PKIB: variants seen among roughly 807,000 people sequenced by gnomAD.
The protein encoded by PKIB is cAMP-dependent protein kinase inhibitor beta.
A neutral mutation model predicts 4.5 loss-of-function variants in PKIB; 2 were observed. The ratio of observed to expected loss-of-function variants is 0.44; its 90% CI spans 0.18 to 1.39. The LOEUF is 1.39. Among genes scored for constraint, PKIB ranks in the 40% most tolerant of loss-of-function variants. The probability of loss-of-function intolerance (pLI) is 0.27; values close to 1 mark genes in which losing one functional copy is unlikely to be tolerated. For synonymous variants in PKIB, 38 were observed against 36.0 expected (o/e 1.06, Z -0.20); for missense variants, 94 against 92.6 (o/e 1.02, Z -0.06).
chr6:122,568,016 TA>T (rs1773245158), intron 2 of PKIB, among the ~76,000 whole-genome samples: 1 of 152,188 alleles, frequency 6.6e-6, no homozygotes, highest in South Asian at 2.1e-4. Context: ...CATTATTAAT[TA>T]AAATATAGAC....
At chr6:122,519,503 G>T (rs1437566455) in intron 2 of PKIB, among the ~76,000 whole-genome samples, 3 of 152,020 alleles carry the variant, frequency 2.0e-5, no homozygotes, top group Non-Finnish European at 4.4e-5. Context: ...CTTGTCCCTG[G>T]TGTCAAAAAG....
chr6:122,624,612 A>G (rs993697646), intron 1 of PKIB, among the ~76,000 whole-genome samples: 10 of 152,228 alleles, frequency 6.6e-5, no homozygotes, highest in Non-Finnish European at 1.0e-4. Context: ...TCATTTAATC[A>G]TAAGAGAAAA....
intron 2 of PKIB, among the ~76,000 whole-genome samples, chr6:122,537,762 C>T (rs1205987107): frequency 1.3e-5 from 2 of 152,094 alleles, no homozygotes; most frequent in East Asian, 1.9e-4. Context: ...CACTGACTTC[C>T]ACAATGGTTG....
intron 2 of PKIB, chr6:122,483,815 C>T (rs1247127036): frequency 1.3e-5 from 2 of 152,176 alleles, no homozygotes; most frequent in East Asian, 3.8e-4. Flanking sequence ...TTTGTCCTTC[C>T]TTGTAGAAAG....
At chr6:122,617,767 A>C (rs1036748479) in intron 1 of PKIB, among the ~76,000 whole-genome samples, 11 of 152,158 alleles carry the variant, frequency 7.2e-5, no homozygotes, top group African/African-American at 2.2e-4. Context: ...GTATATCTAG[A>C]ATTATTTTAC....
At chr6:122,586,237 C>G (rs1451735177) in intron 3 of PKIB, 2 of 152,094 alleles carry the variant, frequency 1.3e-5, no homozygotes, top group African/African-American at 4.8e-5. Flanking sequence ...ATCTGTTGAA[C>G]CAAGGATGGC....
chr6:122,657,273 G>A (rs1269794811), intron 2 of PKIB, among the ~76,000 whole-genome samples: 1 of 152,112 alleles, frequency 6.6e-6, no homozygotes, highest in African/African-American at 2.4e-5. Flanking sequence ...TAGGACTTGA[G>A]TCTAAAATTG....
intron 3 of PKIB, among the ~76,000 whole-genome samples, chr6:122,683,925 TTACAGCAC>T (rs1186474783): frequency 1.3e-4 from 20 of 152,248 alleles, no homozygotes; most frequent in African/African-American, 4.8e-4. Context: ...CCCATGTTCA[TTACAGCAC>T]TATTCACAGC....
At chr6:122,679,807 G>A (rs547612821) in intron 3 of PKIB, among the ~76,000 whole-genome samples, 2 of 152,260 alleles carry the variant, frequency 1.3e-5, no homozygotes, top group Non-Finnish European at 2.9e-5. Flanking sequence ...AGAGAATCAC[G>A]TACATTGTCA....
chr6:122,611,650 CT>C (rs1469433602), intron 1 of PKIB, among the ~76,000 whole-genome samples: 1 of 152,218 alleles, frequency 6.6e-6, no homozygotes, highest in East Asian at 1.9e-4. Context: ...CACTTTATCT[CT>C]TCACAAGATG....
At chr6:122,545,949 C>G (rs1239947431) in intron 2 of PKIB, among the ~76,000 whole-genome samples, 1 of 151,110 alleles carries the variant, frequency 6.6e-6, no homozygotes, top group African/African-American at 2.4e-5. Flanking sequence ...GAGGTAGAAC[C>G]TAGAGAGATC....
chr6:122,653,211 G>A (rs1465943736), intron 2 of PKIB, among the ~76,000 whole-genome samples: 1 of 152,154 alleles, frequency 6.6e-6, no homozygotes, highest in Non-Finnish European at 1.5e-5. Flanking sequence ...AAAATAATGA[G>A]GTTGATACAT....
chr6:122,513,722 G>T (rs182773432), intron 2 of PKIB, among the ~76,000 whole-genome samples: 1 of 152,064 alleles, frequency 6.6e-6, no homozygotes, highest in Non-Finnish European at 1.5e-5. Flanking sequence ...AAGTGAGATC[G>T]TGCAATATTT....
intron 3 of PKIB, among the ~76,000 whole-genome samples, chr6:122,703,939 TATAGAGAGAGAGAGAG>T (rs1271048668): frequency 9.7e-5 from 10 of 103,228 alleles, no homozygotes; most frequent in South Asian, 7.9e-4. Context: ...TATATATATA[TATAGAGAGAGAGAGAG>T]AGAGAGAGAG....
At chr6:122,539,300 A>T (rs1478962784) in intron 2 of PKIB, among the ~76,000 whole-genome samples, 1 of 151,992 alleles carries the variant, frequency 6.6e-6, no homozygotes, top group South Asian at 2.1e-4. Context: ...CCCATTCAGT[A>T]TGATATTGGC....
intron 2 of PKIB, among the ~76,000 whole-genome samples, chr6:122,554,993 G>A (rs1429200601): frequency 6.6e-6 from 1 of 152,136 alleles, no homozygotes; most frequent in Non-Finnish European, 1.5e-5. Flanking sequence ...CAAAGCAGAA[G>A]GTAATACATT....
chr6:122,551,874 CTTT>C (rs61025863), intron 2 of PKIB, among the ~76,000 whole-genome samples: 21 of 87,508 alleles, frequency 2.4e-4, no homozygotes, highest in East Asian at 4.3e-4. Flanking sequence ...CTTAGTACAT[CTTT>C]TTTTTTTTTT....
At chr6:122,669,933 G>A (rs371056619) in intron 2 of PKIB, among the ~76,000 whole-genome samples, 23 of 152,004 alleles carry the variant, frequency 1.5e-4, no homozygotes, top group East Asian at 9.7e-4. Flanking sequence ...TGGATGAAAC[G>A]CAATGTAAGT....
At chr6:122,717,232 T>A (rs1408176906) in intron 3 of PKIB, among the ~76,000 whole-genome samples, 1 of 151,940 alleles carries the variant, frequency 6.6e-6, no homozygotes, top group African/African-American at 2.4e-5. Context: ...TTACCATGAG[T>A]CTATCGAAAA....
Sources: gnomAD v4.1 joint callset for allele counts (sites outside exome capture counted in the v4.1 genomes callset) on GRCh38, gnomAD v4.1.1 for gene constraint, MANE v1.5 for transcripts, NCBI Gene and HGNC (gene_info 2026-07-23, HGNC 2026-07-21) for gene names.